Variants in NPY2R observed in about 807,000 individuals in gnomAD.
NPY2R encodes the protein neuropeptide Y receptor Y2, also known as neuropeptide Y receptor type 2.
In NPY2R, 17 loss-of-function variants were observed where a neutral mutation model predicts 22.3. The ratio of observed to expected loss-of-function variants is 0.76; its 90% CI spans 0.52 to 1.14. The LOEUF (loss-of-function observed/expected upper bound fraction) is 1.14. NPY2R is among the 50% of genes most tolerant of loss of function. The probability of loss-of-function intolerance (pLI) is 0.00; values close to 1 mark genes in which losing one functional copy is unlikely to be tolerated. For synonymous variants in NPY2R, 209 were observed against 183.4 expected, an observed-to-expected ratio of 1.14 and a Z score of -1.13; for missense variants, 424 against 467.9, an observed-to-expected ratio of 0.91 and a Z score of 0.87.
the NPY2R span, among the ~76,000 whole-genome samples, chr4:155,184,739 G>A: frequency 1.3e-5 from 2 of 151,850 alleles, no homozygotes; most frequent in Admixed American, 1.3e-4. Flanking sequence ...ATTGTGCTGC[G>A]CGATAGCCTT....
chr4:155,216,692 A>G lies in NPY2R; in HGVS notation c.*1607A>G, dbSNP rs1729523718. 6.0e-6 allele frequency: 1 copy of G among 167,082 alleles called. No homozygotes were observed. Among genetic ancestry groups the G allele is most frequent in the African/African-American group, 2.4e-5 (1 of 41,476 alleles). 10.3% of individuals were successfully genotyped at this position (167,082 alleles called of 1,614,324 possible). A position where few individuals can be genotyped will look rare whatever the true frequency, so the allele number is the denominator to read the frequency against. On this transcript the variant is annotated 3_prime_UTR_variant, in exon 2 of 2. Coordinates refer to ENST00000329476, the MANE Select transcript of NPY2R (RefSeq NM_000910.4). ...CTGCACTTCTGGAATACTGAAAAAG[A>G]ATGAAAACAATATGTTAGATTAGGT...
At chr4:155,182,296 T>C in the NPY2R span, among the ~76,000 whole-genome samples, 1 of 152,180 alleles carries the variant, frequency 6.6e-6, no homozygotes, top group Non-Finnish European at 1.5e-5. Context: ...GCTGTATATA[T>C]ATTTATCCTT....
the NPY2R span, among the ~76,000 whole-genome samples, chr4:155,184,056 G>C: frequency 1.3e-5 from 2 of 152,126 alleles, no homozygotes; most frequent in African/African-American, 4.8e-5. Context: ...TGTGCACCCA[G>C]TTTAGGGATA....
chr4:155,185,044 A>ATTTT, the NPY2R span, among the ~76,000 whole-genome samples: 5 of 140,616 alleles, frequency 3.6e-5, no homozygotes, highest in Non-Finnish European at 6.2e-5. Context: ...ATATATATAT[A>ATTTT]TTTTTTTTTT....
At chr4:155,177,659 A>C in the NPY2R span, among the ~76,000 whole-genome samples, 2 of 151,668 alleles carry the variant, frequency 1.3e-5, no homozygotes, top group Non-Finnish European at 2.9e-5. Flanking sequence ...GGTAGCCCCA[A>C]CCCTGTGTTA....
chr4:155,184,886 A>G, the NPY2R span, among the ~76,000 whole-genome samples: 2 of 151,176 alleles, frequency 1.3e-5, no homozygotes, highest in African/African-American at 2.4e-5. Context: ...CTGTCAGTGA[A>G]AATCAGATAC....
the NPY2R span, among the ~76,000 whole-genome samples, chr4:155,191,244 CTTTG>C: frequency 6.6e-6 from 1 of 151,802 alleles, no homozygotes; most frequent in Non-Finnish European, 1.5e-5. Context: ...CTGAGTGGAT[CTTTG>C]TTTGGTTAAT....
At chr4:155,189,253 C>T in the NPY2R span, among the ~76,000 whole-genome samples, 9 of 152,128 alleles carry the variant, frequency 5.9e-5, no homozygotes, top group African/African-American at 2.2e-4. Flanking sequence ...ACATCATCTT[C>T]AATTATGCAG....
At chr4:155,174,484 A>ATATATATTTTTTT in the NPY2R span, among the ~76,000 whole-genome samples, 2 of 106,120 alleles carry the variant, frequency 1.9e-5, no homozygotes, top group African/African-American at 9.0e-5. Context: ...ATATATATAT[A>ATATATATTTTTTT]TTTTTTTTTT....
chr4:155,180,084 CT>C, the NPY2R span, among the ~76,000 whole-genome samples: 4 of 140,258 alleles, frequency 2.9e-5, no homozygotes, highest in Non-Finnish European at 6.3e-5. Context: ...CTATTTTTTT[CT>C]TTTTCTTTAT....
the NPY2R span, among the ~76,000 whole-genome samples, chr4:155,175,150 T>C: frequency 6.6e-6 from 1 of 152,104 alleles, no homozygotes; most frequent in Non-Finnish European, 1.5e-5. Context: ...GCAATTTTAG[T>C]GTATCATTAA....
chr4:155,185,927 G>A, the NPY2R span, among the ~76,000 whole-genome samples: 1 of 151,836 alleles, frequency 6.6e-6, no homozygotes, highest in Non-Finnish European at 1.5e-5. Context: ...AGTAATCAAG[G>A]ACATGATAAA....
chr4:155,215,855 T>C lies in NPY2R; in HGVS notation c.*770T>C. ...AGTTACATCCGCTTTATGGAGATAC[T>C]ATTTAGATAACAAGAATACAACTTG... On this transcript the variant is annotated 3_prime_UTR_variant, in exon 2 of 2. Coordinates refer to ENST00000329476, the MANE Select transcript of NPY2R (RefSeq NM_000910.4). The C allele has an allele frequency of 6.0e-6, 1 of 167,156 alleles. No individual in the cohort carries two copies. The allele number at this position is 167,156 out of a possible 1,614,324, so 10.4% of individuals were successfully genotyped here.
chr4:155,175,793 TA>T, the NPY2R span, among the ~76,000 whole-genome samples: 1 of 108,638 alleles, frequency 9.2e-6, no homozygotes, highest in Non-Finnish European at 2.1e-5. Context: ...AATATAACAA[TA>T]AAGAAAAAAG....
chr4:155,189,225 A>T, the NPY2R span, among the ~76,000 whole-genome samples: 2 of 152,018 alleles, frequency 1.3e-5, no homozygotes, highest in Non-Finnish European at 1.5e-5. Context: ...ACAATAATGC[A>T]ACTAGCTGGC....
the NPY2R span, among the ~76,000 whole-genome samples, chr4:155,176,627 T>C: frequency 8.5e-5 from 13 of 152,158 alleles, no homozygotes; most frequent in African/African-American, 3.1e-4. Context: ...CCCACAGATC[T>C]TTAACATTTA....
At chr4:155,179,094 G>C in the NPY2R span, among the ~76,000 whole-genome samples, 2 of 151,932 alleles carry the variant, frequency 1.3e-5, no homozygotes, top group Admixed American at 1.3e-4. Context: ...TTCATATCTA[G>C]AAGTTATCTT....
the NPY2R span, among the ~76,000 whole-genome samples, chr4:155,191,071 AC>A: frequency 1.3e-5 from 2 of 151,496 alleles, no homozygotes; most frequent in Admixed American, 1.3e-4. Flanking sequence ...CAACTAGATG[AC>A]TACATGTTCA....
At chr4:155,174,478 A>ATATATATATATATATATG in the NPY2R span, among the ~76,000 whole-genome samples, 1 of 88,760 alleles carries the variant, frequency 1.1e-5, no homozygotes, top group African/African-American at 6.0e-5. Flanking sequence ...ATATATATAT[A>ATATATATATATATATATG]TATATATTTT....
Sources: allele counts gnomAD v4.1 joint callset (sites outside exome capture counted in the v4.1 genomes callset), GRCh38; gene constraint gnomAD v4.1.1; transcripts MANE v1.5; gene names NCBI Gene and HGNC (gene_info 2026-07-23, HGNC 2026-07-21).